QTMAN: variants seen among roughly 807,000 people sequenced by gnomAD.
QTMAN encodes tRNA-queuosine alpha-mannosyltransferase.
chr2:144,055,204 T>C, the QTMAN span, among the ~76,000 whole-genome samples: 1 of 152,134 alleles, frequency 6.6e-6, no homozygotes, highest in East Asian at 1.9e-4. Context: ...TATTTATTGT[T>C]GCTAAGTTTT....
chr2:144,223,565 A>C, the QTMAN span, among the ~76,000 whole-genome samples: 1 of 152,204 alleles, frequency 6.6e-6, no homozygotes, highest in African/African-American at 2.4e-5. Context: ...ATGAGCTTTT[A>C]TGGGTTTCCA....
chr2:144,316,176 G>T, the QTMAN span, among the ~76,000 whole-genome samples: 4 of 151,926 alleles, frequency 2.6e-5, no homozygotes, highest in South Asian at 8.3e-4. Flanking sequence ...AGAGGTTGAG[G>T]CTGCAGTAAG....
the QTMAN span, among the ~76,000 whole-genome samples, chr2:144,178,118 G>A: frequency 2.0e-5 from 3 of 152,240 alleles, no homozygotes; most frequent in East Asian, 1.9e-4. Context: ...TCATGACAGC[G>A]AGGAGGAAAG....
chr2:144,314,868 A>G, the QTMAN span, among the ~76,000 whole-genome samples: 1 of 152,120 alleles, frequency 6.6e-6, no homozygotes, highest in East Asian at 1.9e-4. Context: ...TATACTCCAT[A>G]AAGTTAATTT....
chr2:144,209,381 T>C, the QTMAN span, among the ~76,000 whole-genome samples: 1 of 152,242 alleles, frequency 6.6e-6, no homozygotes, highest in Non-Finnish European at 1.5e-5. Flanking sequence ...AATGCAAATC[T>C]CTATTTTCTA....
At chr2:144,261,318 C>G in the QTMAN span, among the ~76,000 whole-genome samples, 2 of 151,904 alleles carry the variant, frequency 1.3e-5, no homozygotes, top group African/African-American at 2.4e-5. Context: ...TTACCAGAAA[C>G]ATTCTAAATT....
the QTMAN span, among the ~76,000 whole-genome samples, chr2:143,998,519 A>T: frequency 1.2e-4 from 18 of 152,070 alleles, no homozygotes; most frequent in African/African-American, 4.1e-4. Context: ...TAAAAAAAAA[A>T]AAAATAAATG....
the QTMAN span, among the ~76,000 whole-genome samples, chr2:144,098,152 G>A: frequency 2.0e-5 from 3 of 152,208 alleles, no homozygotes; most frequent in Admixed American, 2.0e-4. Flanking sequence ...CAAGTTCCAA[G>A]TTTATTCTGA....
At chr2:144,047,203 G>T in the QTMAN span, among the ~76,000 whole-genome samples, 16 of 152,242 alleles carry the variant, frequency 1.1e-4, no homozygotes, top group African/African-American at 3.9e-4. Context: ...CCCAAGAGGT[G>T]GAGGTTGCAG....
the QTMAN span, among the ~76,000 whole-genome samples, chr2:143,985,598 A>T: frequency 6.6e-6 from 1 of 152,176 alleles, no homozygotes; most frequent in African/African-American, 2.4e-5. Flanking sequence ...GTTTAACTCA[A>T]ATTTCATGAC....
chr2:143,975,638 T>A, the QTMAN span, among the ~76,000 whole-genome samples: 1 of 152,234 alleles, frequency 6.6e-6, no homozygotes, highest in East Asian at 1.9e-4. Context: ...TTCTGGCCAA[T>A]GGAGTGATGT....
At chr2:144,011,183 GA>G in the QTMAN span, among the ~76,000 whole-genome samples, 29 of 152,074 alleles carry the variant, frequency 1.9e-4, no homozygotes, top group Admixed American at 1.9e-3. Context: ...TTTAGTTGGG[GA>G]AAGTTAAAAA....
chr2:144,091,943 T>C, the QTMAN span, among the ~76,000 whole-genome samples: 4 of 152,278 alleles, frequency 2.6e-5, no homozygotes, highest in East Asian at 5.8e-4. Flanking sequence ...GTGCATACTA[T>C]ATGTTTTTGT....
the QTMAN span, among the ~76,000 whole-genome samples, chr2:144,107,680 G>T: frequency 6.6e-6 from 1 of 152,200 alleles, no homozygotes; most frequent in Non-Finnish European, 1.5e-5. Flanking sequence ...GAGGTACAAG[G>T]AGGAGCTGGT....
the QTMAN span, among the ~76,000 whole-genome samples, chr2:144,107,837 T>C: frequency 4.6e-5 from 7 of 152,170 alleles, no homozygotes; most frequent in African/African-American, 7.2e-5. Context: ...CTGATGAACA[T>C]TGATGCAAAA....
chr2:144,039,492 A>AT, the QTMAN span, among the ~76,000 whole-genome samples: 1 of 152,294 alleles, frequency 6.6e-6, no homozygotes, highest in African/African-American at 2.4e-5. Context: ...CCTTGAAAGG[A>AT]TAAAAACAAG....
chr2:143,990,522 T>C, the QTMAN span, among the ~76,000 whole-genome samples: 2 of 152,170 alleles, frequency 1.3e-5, no homozygotes, highest in African/African-American at 2.4e-5. Context: ...ATCAGTAGGA[T>C]GGAAAGAAAA....
At chr2:144,281,093 T>C in the QTMAN span, among the ~76,000 whole-genome samples, 1 of 131,884 alleles carries the variant, frequency 7.6e-6, no homozygotes, top group Admixed American at 8.2e-5. Flanking sequence ...GTGTGTGATG[T>C]TCCCCTTCCT....
chr2:143,978,529 A>C, the QTMAN span, among the ~76,000 whole-genome samples: 1 of 152,306 alleles, frequency 6.6e-6, no homozygotes, highest in East Asian at 1.9e-4. Flanking sequence ...TAACTTGCCA[A>C]TGAATTCCCT....
Sources: allele counts gnomAD v4.1 joint callset (sites outside exome capture counted in the v4.1 genomes callset), GRCh38; gene constraint gnomAD v4.1.1; transcripts MANE v1.5; gene names NCBI Gene and HGNC (gene_info 2026-07-23, HGNC 2026-07-21).